Variants in ANKEF1 observed in about 807,000 individuals in gnomAD.
ANKEF1 encodes ankyrin repeat and EF-hand domain containing 1.
In ANKEF1, 43 loss-of-function variants were observed where a neutral mutation model predicts 65.1. The ratio of observed to expected loss-of-function variants is 0.66; its 90% CI spans 0.52 to 0.85. ANKEF1 has a LOEUF of 0.85. Among genes scored for constraint, ANKEF1 ranks in the 40% least tolerant of loss-of-function variants. The pLI, the probability that ANKEF1 is intolerant of heterozygous loss-of-function variation, is 0.00. For missense variants in ANKEF1, 934 were observed against 952.9 expected (o/e 0.98, Z 0.26); for synonymous variants, 316 against 341.5 (o/e 0.93, Z 0.82).
rs145395317 is a variant in ANKEF1 at position 10,050,152 on chromosome 20, C to G, written c.1583C>G (p.Pro528Arg). The G allele has an allele frequency of 1.7e-5, 27 of 1,614,084 alleles. No homozygotes were observed. The highest frequency in any genetic ancestry group is 2.3e-5 in the Non-Finnish European group (27 of 1,179,976). ...ATGAAGGATAATTATTACAAAACTC[C>G]GCTAATGACGGCGTGTGCAAGTGGA... Reference protein sequence around the residue: ...VDMKDNYYKTPLMTACASGNI... With the variant: ...VDMKDNYYKTRLMTACASGNI... The change falls in exon 7 of 11, where the codon CCG (proline) becomes CGG (arginine). Residue 528 changes from proline (P) to arginine (R), a missense_variant. Physicochemically the swap from Pro to Arg is moderately radical, Grantham distance 103 (BLOSUM62 -2). Coordinates refer to ENST00000378392, the MANE Select transcript of ANKEF1 (RefSeq NM_022096.6).
rs187609174 is a variant in ANKEF1 at position 10,035,919 on chromosome 20, C to T, written c.-45+277C>T. Among the ~76,000 whole-genome samples the T allele has an allele frequency of 2.4e-4, 37 of 152,306 alleles. No homozygotes were observed. In the East Asian group the frequency reaches 6.9e-3, roughly 29 times the overall value. On this transcript the variant is annotated intron_variant, in intron 2 of 10. Coordinates refer to ENST00000378392, the MANE Select transcript of ANKEF1 (RefSeq NM_022096.6). ...CAAGTCAAGACATTCTGCTCTATTCCACTACCTTGGTAGATGGTTAGATGT... is the reference window on the plus strand; with the variant it reads ...CAAGTCAAGACATTCTGCTCTATTCTACTACCTTGGTAGATGGTTAGATGT...
Position 10,051,755 on chromosome 20 carries a change from A to C in ANKEF1, c.1736A>C (p.Glu579Ala). The C allele has an allele frequency of 1.2e-6, 2 of 1,613,870 alleles. No homozygotes were observed. The highest frequency in any genetic ancestry group is 2.2e-5 in the South Asian group (2 of 91,060). ...CAAGACATTGTTGAGCTTCTTGTTGAATCTGGAGCTTTAATAGATGCAGCT... is the reference window on the plus strand; with the variant it reads ...CAAGACATTGTTGAGCTTCTTGTTGCATCTGGAGCTTTAATAGATGCAGCT... ...GQQDIVELLV[E>A]SGALIDAASI... The change falls in exon 8 of 11, where the codon GAA becomes GCA. Residue 579 changes from glutamate to alanine, a missense_variant. Transcript: ENST00000378392.
chr20:10,038,596 A>G lies in ANKEF1; in HGVS notation c.295A>G (p.Ile99Val), dbSNP rs114094702. 6.4e-4 allele frequency: 1,031 copies of G among 1,613,988 alleles called. 6 individuals carry two copies. In the African/African-American group the frequency reaches 0.011, roughly 18 times the overall value. ...ACTGGGCCATGAATTGTCAATGGAA[A>G]TATTAGCAAAGGCAAAGGCTGATAT... ...AELGHELSME[I>V]LAKAKADMTI... Residue 99 changes from isoleucine (I) to valine (V), a missense_variant, in exon 3 of 11, where the codon ATA becomes GTA. By Grantham distance (29) the Ile-to-Val change is conservative (BLOSUM62 3). Coordinates refer to ENST00000378392, the MANE Select transcript of ANKEF1 (RefSeq NM_022096.6).
Position 10,049,748 on chromosome 20 carries a change from T to C in ANKEF1, c.1179T>C (p.Asn393=), listed in dbSNP as rs371875720. The C allele has an allele frequency of 9.0e-5, 146 of 1,614,094 alleles. No homozygotes were observed. The Middle Eastern group carries it at 1.5e-3, about 16-fold the overall frequency. ...CCCGGGGAGGAGGGGTCAATATTAA[T>C]GAATTCTTTAAAGGAACCAGATATT... ...EKTRGGGVNI[N]EFFKGTRYLN... is the part of the protein sequence containing the mutation. Residue 393 remains asparagine (N), a synonymous_variant, in exon 7 of 11, where the codon AAT becomes AAC. Transcript: ENST00000378392.
intron 8 of ANKEF1, among the ~76,000 whole-genome samples, chr20:10,052,367 A>G (rs1003537546): frequency 6.6e-6 from 1 of 152,200 alleles, no homozygotes; most frequent in Non-Finnish European, 1.5e-5. Flanking sequence ...TAATAATTGC[A>G]TACCCTATAG....
At chr20:10,055,406 A>T in intron 10 of ANKEF1, 96 bp from the exon 11 acceptor site, 2 of 1,141,546 alleles carry the variant, frequency 1.8e-6, no homozygotes, top group South Asian at 1.5e-5. Flanking sequence ...ACAAATTTTT[A>T]AGTTAAAACT....
chr20:10,055,361 A>G, intron 10 of ANKEF1, 141 bp from the exon 11 acceptor site: 1 of 737,340 alleles, frequency 1.4e-6, no homozygotes, highest in Non-Finnish European at 2.2e-6. Context: ...AACACATCTA[A>G]AAGTAAATTT....
chr20:10,039,141 T>C (rs749115915), intron 3 of ANKEF1, among the ~76,000 whole-genome samples: 1 of 152,210 alleles, frequency 6.6e-6, no homozygotes, highest in Admixed American at 6.5e-5. Flanking sequence ...ACTCCAACTT[T>C]CTAGGATCAT....
chr20:10,038,656 C>T lies in ANKEF1; in HGVS notation c.346+9C>T, dbSNP rs1984008304. On this transcript the variant is annotated intron_variant, in intron 3 of 10. Coordinates refer to ENST00000378392, the MANE Select transcript of ANKEF1 (RefSeq NM_022096.6). Reference sequence around the variant, plus strand: ...TGATAATGAAGGAAAAGGTAAAAATCCCGACATCCTCTCCAGCAGATTGCA... The same window carrying T: ...TGATAATGAAGGAAAAGGTAAAAATTCCGACATCCTCTCCAGCAGATTGCA... The T allele has an allele frequency of 1.3e-6, 2 of 1,568,276 alleles. No individual in the cohort carries two copies. The highest frequency in any genetic ancestry group is 1.4e-5 in the African/African-American group (1 of 73,644).
At chr20:10,048,159 G>T (rs140505203) in intron 6 of ANKEF1, among the ~76,000 whole-genome samples, 71 of 152,006 alleles carry the variant, frequency 4.7e-4, no homozygotes, top group African/African-American at 1.5e-3. Flanking sequence ...AACCTTTATT[G>T]TCCCCATAGT....
chr20:10,036,750 G>A (rs1398877403), intron 2 of ANKEF1, among the ~76,000 whole-genome samples: 1 of 152,190 alleles, frequency 6.6e-6, no homozygotes, highest in Non-Finnish European at 1.5e-5. Flanking sequence ...GCTGAGGCAG[G>A]AGAATCGCTT....
Position 10,043,179 on chromosome 20 carries a change from C to T in ANKEF1, c.404C>T (p.Ala135Val), listed in dbSNP as rs917560281. 6.2e-7 allele frequency: 1 copy of T among 1,614,144 alleles called. No individual in the cohort carries two copies. Among genetic ancestry groups the T allele is most frequent in the East Asian group, 2.2e-5 (1 of 44,878 alleles). The change falls in exon 4 of 11, where the codon GCC becomes GTC. Residue 135 changes from alanine to valine, a missense_variant. Physicochemically the swap from Ala to Val is moderately conservative, Grantham distance 64 (BLOSUM62 0). Transcript: ENST00000378392. ...CGGCATTATCGCTGTGCTCTGATCGCCCTTGAACATGGTGCAGATGTCAAC... is the reference window on the plus strand; with the variant it reads ...CGGCATTATCGCTGTGCTCTGATCGTCCTTGAACATGGTGCAGATGTCAAC... ...TKRHYRCALI[A>V]LEHGADVNNS... is the part of the protein sequence containing the mutation.
At position 10,055,540 on chromosome 20, in the gene ANKEF1, G is replaced by C. The variant is rs867919514; in HGVS notation, c.2211G>C (p.Arg737Ser). ...AAGCCACAACAGCAGAGCTGATCAG[G>C]AAGAGGGAACTACGGCGAGAGAGGT... ...SPEATTAELI[R>S]KRELRRERFT... The change falls in exon 11 of 11, where the codon AGG becomes AGC. Residue 737 changes from arginine (R) to serine (S), a missense_variant. Coordinates refer to ENST00000378392, the MANE Select transcript of ANKEF1 (RefSeq NM_022096.6). 6.2e-7 allele frequency: 1 copy of C among 1,613,782 alleles called. No individual in the cohort carries two copies. The highest frequency in any genetic ancestry group is 8.5e-7 in the Non-Finnish European group (1 of 1,179,806).
Position 10,053,112 on chromosome 20 carries a change from G to C in ANKEF1, c.1871G>C (p.Gly624Ala). The change falls in exon 9 of 11, where the codon GGG becomes GCG. Residue 624 changes from glycine (G) to alanine (A), a missense_variant and splice_region_variant. Coordinates refer to ENST00000378392, the MANE Select transcript of ANKEF1 (RefSeq NM_022096.6). ...GAKFQLENRK[G>A]HSAMDVAKAY... Reference sequence around the variant, plus strand: ...TGAATTTATGTTTATGTTTCAACAGGGCATAGTGCCATGGACGTTGCAAAG... The same window carrying C: ...TGAATTTATGTTTATGTTTCAACAGCGCATAGTGCCATGGACGTTGCAAAG... The C allele has an allele frequency of 6.3e-7, 1 of 1,581,718 alleles. No individual in the cohort carries two copies.
rs572277600 is a variant in ANKEF1, at chr20:10,055,598, A to G, written c.2269A>G (p.Met757Val). The G allele has an allele frequency of 1.2e-5, 20 of 1,613,836 alleles. No individual in the cohort carries two copies. In the East Asian group the frequency reaches 3.6e-4, roughly 29 times the overall value. ...TGAGGTGGACTTCGACGATTTTATGATGCCTTTTCAGAAGAACATCACAGA... is the reference window on the plus strand; with the variant it reads ...TGAGGTGGACTTCGACGATTTTATGGTGCCTTTTCAGAAGAACATCACAGA... ...THEVDFDDFM[M>V]PFQKNITEKA... Residue 757 changes from methionine (M) to valine (V), a missense_variant, in exon 11 of 11, where the codon ATG (methionine) becomes GTG (valine). Physicochemically the swap from Met to Val is conservative, Grantham distance 21 (BLOSUM62 1). Coordinates refer to ENST00000378392, the MANE Select transcript of ANKEF1 (RefSeq NM_022096.6).
At position 10,051,775 on chromosome 20, in the gene ANKEF1, G is replaced by A; in HGVS notation, c.1756G>A (p.Ala586Thr). The A allele has an allele frequency of 1.2e-6, 2 of 1,613,672 alleles. No individual in the cohort carries two copies. The highest frequency in any genetic ancestry group is 1.7e-6 in the Non-Finnish European group (2 of 1,179,756). ...LLVESGALID[A>T]ASINNSTPLN... is the part of the protein sequence containing the mutation. ...TGTTGAATCTGGAGCTTTAATAGAT[G>A]CAGCTTCAATCAACAACTCAACTCC... The change falls in exon 8 of 11, where the codon GCA (alanine) becomes ACA (threonine). Residue 586 changes from alanine to threonine, a missense_variant. By Grantham distance (58) the Ala-to-Thr change is moderately conservative (BLOSUM62 0). Transcript: ENST00000378392.
rs756433861 is a variant in ANKEF1, at chr20:10,054,461, G to A, written c.2035-1G>A. The A allele has an allele frequency of 3.9e-6, 6 of 1,527,584 alleles. No individual in the cohort carries two copies. Among genetic ancestry groups the A allele is most frequent in the Non-Finnish European group, 4.4e-6 (5 of 1,145,262 alleles). The allele number at this position is 1,527,584 out of a possible 1,614,324, so 94.6% of individuals were successfully genotyped here. On this transcript the variant is annotated splice_acceptor_variant, in intron 9 of 10. Coordinates refer to ENST00000378392, the MANE Select transcript of ANKEF1 (RefSeq NM_022096.6). LOFTEE classifies it high-confidence loss of function. ...TATAATTTTTTTGTTCTTGTTTCCAGGAACTGCTGTCATCAATTTATGGTG... is the reference window on the plus strand; with the variant it reads ...TATAATTTTTTTGTTCTTGTTTCCAAGAACTGCTGTCATCAATTTATGGTG...
intron 6 of ANKEF1, among the ~76,000 whole-genome samples, chr20:10,047,578 C>T (rs964230724): frequency 3.3e-5 from 5 of 152,196 alleles, no homozygotes; most frequent in South Asian, 2.1e-4. Context: ...TTCGCCCCCT[C>T]GTCCCCCTGC....
chr20:10,056,045 T>G lies in ANKEF1; in HGVS notation c.*385T>G, dbSNP rs1375464633. On this transcript the variant is annotated 3_prime_UTR_variant, in exon 11 of 11. Coordinates refer to ENST00000378392, the MANE Select transcript of ANKEF1 (RefSeq NM_022096.6). ...ATTGCCCCAGCTGGTCTCGAACTCT[T>G]GAGCTCAGGCAGTCCTCCCAACTTG... is the stretch of plus-strand genomic sequence containing the variant. 1 of 160,250 alleles carries G rather than the reference T, an allele frequency of 6.2e-6. No homozygotes were observed. Among genetic ancestry groups the G allele is most frequent in the East Asian group, 1.7e-4 (1 of 5,842 alleles). The allele number at this position is 160,250 out of a possible 1,614,324, so 9.9% of individuals were successfully genotyped here.
Sources: allele counts gnomAD v4.1 joint callset (sites outside exome capture counted in the v4.1 genomes callset), GRCh38; gene constraint gnomAD v4.1.1; transcripts MANE v1.5; gene names NCBI Gene and HGNC (gene_info 2026-07-23, HGNC 2026-07-21).